MAN2A1: variants seen among roughly 807,000 people sequenced by gnomAD.
The protein encoded by MAN2A1 is alpha-mannosidase 2.
Under a neutral mutation model 142.6 loss-of-function variants are expected in MAN2A1, and 76 were observed. The ratio of observed to expected loss-of-function variants is 0.53; its 90% confidence interval spans 0.44 to 0.65. MAN2A1 has a LOEUF of 0.65. Among genes scored for constraint, MAN2A1 ranks in the 30% least tolerant of loss-of-function variants. MAN2A1 has a pLI of 0.00. For synonymous variants in MAN2A1, 559 were observed against 473.2 expected, an observed-to-expected ratio of 1.18 and a Z score of -2.35; for missense variants, 1,311 against 1,365.1, an observed-to-expected ratio of 0.96 and a Z score of 0.62.
At chr5:109,840,561 CT>C in intron 16 of MAN2A1, 1 of 505,972 alleles carries the variant, frequency 2.0e-6, no homozygotes, top group South Asian at 1.4e-5. Context: ...ATAAGGCTGT[CT>C]CCTGCTCTTT....
intron 12 of MAN2A1, among the ~76,000 whole-genome samples, chr5:109,793,300 A>G (rs1172347096): frequency 1.3e-5 from 2 of 152,164 alleles, no homozygotes; most frequent in African/African-American, 4.8e-5. Flanking sequence ...TGTTTCTTCC[A>G]GTATAATTAT....
rs1561550095 is a variant in MAN2A1 at position 109,867,889 on chromosome 5, G to A, written c.*891G>A. 1 of 152,094 alleles carries A rather than the reference G, an allele frequency of 6.6e-6. No individual in the cohort carries two copies. The highest frequency in any genetic ancestry group is 1.5e-5 in the Non-Finnish European group (1 of 67,988). The allele number at this position is 152,094 out of a possible 1,614,324, so 9.4% of individuals were successfully genotyped here. Reference sequence around the variant, plus strand: ...AGTGTCCATATTACTGTTTGGGGAAGGGGGAATGTTGTGGGGTCTGGGAGA... The same window carrying A: ...AGTGTCCATATTACTGTTTGGGGAAAGGGGAATGTTGTGGGGTCTGGGAGA... On this transcript the variant is annotated 3_prime_UTR_variant, in exon 22 of 22. Coordinates refer to ENST00000261483, the MANE Select transcript of MAN2A1 (RefSeq NM_002372.4).
At chr5:109,735,878 G>GTTTTTTTTTTT (rs35796131) in intron 4 of MAN2A1, among the ~76,000 whole-genome samples, 2 of 98,404 alleles carry the variant, frequency 2.0e-5, no homozygotes, top group Non-Finnish European at 3.8e-5. Context: ...TTCCATTGGA[G>GTTTTTTTTTTT]TTTTTTTTTT....
At chr5:109,826,270 G>A (rs1754757846) in intron 16 of MAN2A1, among the ~76,000 whole-genome samples, 1 of 151,756 alleles carries the variant, frequency 6.6e-6, no homozygotes, top group Admixed American at 6.6e-5. Context: ...GTGTTCTCGG[G>A]CATATGAAAA....
chr5:109,865,399 C>A, intron 21 of MAN2A1: 1 of 429,748 alleles, frequency 2.3e-6, no homozygotes, highest in South Asian at 2.4e-5. Context: ...ATTTCCTAGG[C>A]CTTCTATTTC....
intron 8 of MAN2A1, among the ~76,000 whole-genome samples, chr5:109,776,481 C>T (rs1296956740): frequency 2.0e-5 from 3 of 152,038 alleles, no homozygotes; most frequent in Non-Finnish European, 2.9e-5. Context: ...GTAATTACAT[C>T]TTACTAGGAA....
At chr5:109,803,455 G>A (rs945742915) in intron 12 of MAN2A1, among the ~76,000 whole-genome samples, 84 of 151,990 alleles carry the variant, frequency 5.5e-4, no homozygotes, top group African/African-American at 2.0e-3. Context: ...TGTGTGTTTT[G>A]TGTGGTGAGA....
chr5:109,749,648 G>T (rs1036118748), intron 4 of MAN2A1, among the ~76,000 whole-genome samples: 30 of 152,014 alleles, frequency 2.0e-4, no homozygotes, highest in African/African-American at 6.8e-4. Context: ...ATCATGAAGT[G>T]TACATGTAAA....
chr5:109,700,023 T>C (rs1750931011), intron 1 of MAN2A1, among the ~76,000 whole-genome samples: 1 of 151,936 alleles, frequency 6.6e-6, no homozygotes, highest in Admixed American at 6.6e-5. Context: ...GCAAGTGGAG[T>C]CTCTTATATT....
chr5:109,770,272 T>C (rs1753108229), intron 6 of MAN2A1, 83 bp from the exon 7 acceptor site: 1 of 1,267,398 alleles, frequency 7.9e-7, no homozygotes, highest in Non-Finnish European at 1.1e-6. Context: ...AGCATTACTT[T>C]GTGTAAAGTA....
intron 1 of MAN2A1, among the ~76,000 whole-genome samples, chr5:109,700,113 T>A (rs1750933885): frequency 6.6e-6 from 1 of 152,140 alleles, no homozygotes; most frequent in African/African-American, 2.4e-5. Flanking sequence ...TTTTGTTTTT[T>A]CTGTCTATTT....
intron 16 of MAN2A1, among the ~76,000 whole-genome samples, chr5:109,832,550 A>G (rs1288578504): frequency 1.3e-5 from 2 of 152,182 alleles, no homozygotes; most frequent in African/African-American, 2.4e-5. Context: ...ACAGCACAAA[A>G]TGGAGTCTCC....
At chr5:109,858,408 C>G (rs1400141526) in intron 20 of MAN2A1, among the ~76,000 whole-genome samples, 1 of 152,034 alleles carries the variant, frequency 6.6e-6, no homozygotes, top group Non-Finnish European at 1.5e-5. Flanking sequence ...GCTGTACTTA[C>G]AAAATGTCCA....
intron 6 of MAN2A1, among the ~76,000 whole-genome samples, chr5:109,769,398 G>T (rs989751826): frequency 1.3e-5 from 2 of 152,162 alleles, no homozygotes; most frequent in Non-Finnish European, 2.9e-5. Flanking sequence ...TAATGAAGCA[G>T]TTATTTTCAC....
intron 16 of MAN2A1, among the ~76,000 whole-genome samples, chr5:109,824,734 T>C (rs1464554328): frequency 6.6e-6 from 1 of 152,182 alleles, no homozygotes; most frequent in African/African-American, 2.4e-5. Context: ...CGGTTTCCTT[T>C]TTAGGTATTG....
intron 4 of MAN2A1, among the ~76,000 whole-genome samples, chr5:109,731,545 T>C (rs1345390558): frequency 8.4e-6 from 1 of 119,060 alleles, no homozygotes; most frequent in Non-Finnish European, 1.6e-5. Flanking sequence ...CAGAGTGTGA[T>C]GTTCCCCTTC....
At chr5:109,844,833 T>C (rs980080503) in intron 17 of MAN2A1, among the ~76,000 whole-genome samples, 15 of 152,160 alleles carry the variant, frequency 9.9e-5, no homozygotes, top group African/African-American at 3.6e-4. Flanking sequence ...TGCCAGTCAT[T>C]AGGTTAGGTC....
chr5:109,716,152 C>A lies in MAN2A1; in HGVS notation c.423C>A (p.Asp141Glu). 6.2e-7 allele frequency: 1 copy of A among 1,610,888 alleles called. No individual in the cohort carries two copies. The highest frequency in any genetic ancestry group is 8.5e-7 in the Non-Finnish European group (1 of 1,177,894). ...MLDVYSLISFDNPDGGVWKQG... is the reference protein window; with the variant it reads ...MLDVYSLISFENPDGGVWKQG... ...ATGTTTACAGTCTAATTTCTTTTGA[C>A]AATCCAGATGGTGGAGTTTGGAAGC... The change falls in exon 3 of 22, where the codon GAC (aspartate) becomes GAA (glutamate). Residue 141 changes from aspartate (D) to glutamate (E), a missense_variant. Asp to Glu is a conservative substitution (Grantham distance 45). This residue lies in a region of MAN2A1 where 409 missense variants were observed against 412.7 expected (regional missense o/e 0.99). Transcript: ENST00000261483.
intron 12 of MAN2A1, among the ~76,000 whole-genome samples, chr5:109,808,017 T>G (rs1754213671): frequency 6.6e-6 from 1 of 152,208 alleles, no homozygotes; most frequent in Non-Finnish European, 1.5e-5. Context: ...CACAAAAAGC[T>G]CCAAGCTCCT....
Sources: gnomAD v4.1 joint callset for allele counts (sites outside exome capture counted in the v4.1 genomes callset) on GRCh38, gnomAD v4.1.1 for gene constraint, gnomAD v4.1.1 regional missense constraint, MANE v1.5 for transcripts, NCBI Gene and HGNC (gene_info 2026-07-23, HGNC 2026-07-21) for gene names.